Variants in XKR9 observed in about 807,000 individuals in gnomAD.
The protein encoded by XKR9 is XK-related protein 9.
Under a neutral mutation model 32.0 loss-of-function variants are expected in XKR9, and 32 were observed. The ratio of observed to expected loss-of-function variants is 1.00; its 90% CI spans 0.76 to 1.34. The LOEUF (loss-of-function observed/expected upper bound fraction) is 1.34, where lower values mean the gene tolerates loss of function less well. Among genes scored for constraint, XKR9 ranks in the 40% most tolerant of loss-of-function variants. XKR9 has a pLI of 0.00. For synonymous variants in XKR9, 168 were observed against 143.4 expected (o/e 1.17, Z -1.22); for missense variants, 546 against 429.7 (o/e 1.27, Z -2.39).
chr8:70,778,005 G>A (rs1807556752), intron 2 of XKR9, among the ~76,000 whole-genome samples: 1 of 152,120 alleles, frequency 6.6e-6, no homozygotes, highest in African/African-American at 2.4e-5. Flanking sequence ...TGCTTTTGGT[G>A]TTTTAGTCAT....
At chr8:70,744,757 C>CTGTATAGAATGTATATAATAT (rs1554553503) in intron 2 of XKR9, among the ~76,000 whole-genome samples, 2 of 150,842 alleles carry the variant, frequency 1.3e-5, no homozygotes, top group African/African-American at 2.4e-5. Flanking sequence ...AGGTGTGCAC[C>CTGTATAGAATGTATATAATAT]ACCACGCCTG....
chr8:70,678,774 T>C (rs1040971251), intron 2 of XKR9, among the ~76,000 whole-genome samples: 7 of 152,210 alleles, frequency 4.6e-5, no homozygotes, highest in African/African-American at 1.7e-4. Flanking sequence ...AAGAATGAAA[T>C]ACCTTTTAAT....
the XKR9 span, among the ~76,000 whole-genome samples, chr8:70,967,209 C>A: frequency 6.6e-6 from 1 of 151,964 alleles, no homozygotes; most frequent in Non-Finnish European, 1.5e-5. Flanking sequence ...ACTACAGGCG[C>A]CTGCCAGCAT....
At chr8:70,682,979 T>G (rs1227079537) in intron 3 of XKR9, among the ~76,000 whole-genome samples, 1 of 152,224 alleles carries the variant, frequency 6.6e-6, no homozygotes, top group African/African-American at 2.4e-5. Flanking sequence ...GGATGTACTA[T>G]AATCTATTGA....
chr8:70,794,646 A>G (rs758208787), downstream of XKR9, among the ~76,000 whole-genome samples: 1 of 151,944 alleles, frequency 6.6e-6, no homozygotes, highest in Non-Finnish European at 1.5e-5. Flanking sequence ...AATATGGTGC[A>G]TTATATTGGC....
intron 2 of XKR9, among the ~76,000 whole-genome samples, chr8:70,745,601 G>A (rs1264702465): frequency 2.0e-5 from 3 of 152,102 alleles, no homozygotes; most frequent in Non-Finnish European, 1.5e-5. Context: ...AAAAGTTCCC[G>A]GATGTTGCTG....
chr8:70,721,921 T>C (rs912615986), intron 4 of XKR9, among the ~76,000 whole-genome samples: 1 of 152,196 alleles, frequency 6.6e-6, no homozygotes, highest in South Asian at 2.1e-4. Flanking sequence ...ACTGTTATTG[T>C]GTGGGAGTCT....
At chr8:70,759,012 C>G (rs1197290969) in intron 2 of XKR9, among the ~76,000 whole-genome samples, 3 of 152,122 alleles carry the variant, frequency 2.0e-5, no homozygotes, top group Admixed American at 6.6e-5. Context: ...ATAAAATTTC[C>G]CACTCTAAGC....
the XKR9 span, among the ~76,000 whole-genome samples, chr8:70,841,339 T>C: frequency 6.6e-6 from 1 of 152,252 alleles, no homozygotes; most frequent in Admixed American, 6.5e-5. Flanking sequence ...TTCTGTTTAA[T>C]GTACAAATCA....
chr8:70,814,903 A>G, the XKR9 span, among the ~76,000 whole-genome samples: 1 of 152,244 alleles, frequency 6.6e-6, no homozygotes, highest in African/African-American at 2.4e-5. Context: ...AAGTTTCTGT[A>G]TATAAAAGCA....
the XKR9 span, among the ~76,000 whole-genome samples, chr8:70,871,485 CA>C: frequency 6.6e-6 from 1 of 152,100 alleles, no homozygotes; most frequent in Non-Finnish European, 1.5e-5. Flanking sequence ...CAAACTTTTT[CA>C]TTATTATATA....
the XKR9 span, among the ~76,000 whole-genome samples, chr8:70,923,381 A>T: frequency 6.6e-6 from 1 of 152,342 alleles, no homozygotes; most frequent in East Asian, 1.9e-4. Context: ...TTTTGGAACT[A>T]GATAGGGGTA....
At chr8:70,836,797 A>G in the XKR9 span, among the ~76,000 whole-genome samples, 1 of 152,130 alleles carries the variant, frequency 6.6e-6, no homozygotes, top group Non-Finnish European at 1.5e-5. Flanking sequence ...GAAACCTACA[A>G]GGTGTCAGGC....
the XKR9 span, among the ~76,000 whole-genome samples, chr8:70,983,658 G>A: frequency 4.6e-5 from 7 of 152,206 alleles, no homozygotes; most frequent in East Asian, 1.4e-3. Context: ...GCAGGTGCCT[G>A]TAATCCCAGC....
intron 2 of XKR9, among the ~76,000 whole-genome samples, chr8:70,784,318 G>A (rs543764873): frequency 7.4e-4 from 112 of 152,222 alleles, no homozygotes; most frequent in African/African-American, 2.5e-3. Context: ...CACACTATTA[G>A]TTCTTTCAAT....
chr8:70,804,009 T>A, the XKR9 span, among the ~76,000 whole-genome samples: 1 of 152,230 alleles, frequency 6.6e-6, no homozygotes, highest in African/African-American at 2.4e-5. Context: ...GAGGCTGCAC[T>A]CTTTGAGTTG....
the XKR9 span, among the ~76,000 whole-genome samples, chr8:70,810,314 C>T: frequency 5.9e-3 from 902 of 152,174 alleles, 11 homozygotes; most frequent in Middle Eastern, 0.054. Context: ...AAGGAACAAC[C>T]GGTAACAGCC....
At chr8:70,984,554 C>T in the XKR9 span, among the ~76,000 whole-genome samples, 1 of 152,194 alleles carries the variant, frequency 6.6e-6, no homozygotes, top group Non-Finnish European at 1.5e-5. Flanking sequence ...TGCTGCAACA[C>T]AAATGCCTCT....
At chr8:70,759,737 A>G (rs926500910) in intron 2 of XKR9, among the ~76,000 whole-genome samples, 3 of 152,198 alleles carry the variant, frequency 2.0e-5, no homozygotes, top group Non-Finnish European at 4.4e-5. Flanking sequence ...AGCTCACCTG[A>G]TGGACCACAA....
Sources: gnomAD v4.1 joint callset for allele counts (sites outside exome capture counted in the v4.1 genomes callset) on GRCh38, gnomAD v4.1.1 for gene constraint, MANE v1.5 for transcripts, NCBI Gene and HGNC (gene_info 2026-07-23, HGNC 2026-07-21) for gene names.